Variants in SFMBT1 observed in about 807,000 individuals in gnomAD.
SFMBT1 encodes the protein scm-like with four MBT domains protein 1.
A neutral mutation model predicts 108.7 loss-of-function variants in SFMBT1; 32 were observed. The observed-to-expected ratio is 0.29, with a 90% CI of 0.22 to 0.40. SFMBT1 has a LOEUF of 0.40. Among genes scored for constraint, SFMBT1 ranks in the 10% least tolerant of loss-of-function variants. SFMBT1 has a pLI of 1.00. For missense variants in SFMBT1, 816 were observed against 1,059.6 expected, an observed-to-expected ratio of 0.77 and a Z score of 3.19; for synonymous variants, 348 against 369.5, an observed-to-expected ratio of 0.94 and a Z score of 0.67.
chr3:52,955,465 A>T lies in SFMBT1; in HGVS notation c.29-1054T>A, dbSNP rs138452265. 3.4e-4 allele frequency among the ~76,000 whole-genome samples: 52 copies of T among 152,004 alleles called. No homozygotes were observed. The East Asian group carries it at 8.1e-3, about 24-fold the overall frequency. On this transcript the variant is annotated intron_variant, in intron 2 of 20. Transcript: ENST00000394752. ...ATAAAATAGAACACTAACTAGACTA[A>T]TAAAGAAGAAAAAAGAGAAAAATCA...
At chr3:53,020,779 G>T (rs376827305) in intron 1 of SFMBT1, among the ~76,000 whole-genome samples, 1 of 152,054 alleles carries the variant, frequency 6.6e-6, no homozygotes, top group African/African-American at 2.4e-5. Flanking sequence ...AGTAGAGGCC[G>T]GGTACGGTGG....
chr3:52,906,405 C>T (rs952774268), intron 19 of SFMBT1, among the ~76,000 whole-genome samples, 164 bp from the exon 20 acceptor site: 1 of 152,184 alleles, frequency 6.6e-6, no homozygotes, highest in African/African-American at 2.4e-5. Flanking sequence ...ATCAGGTACT[C>T]AGGAAATGTC....
intron 4 of SFMBT1, among the ~76,000 whole-genome samples, chr3:52,935,801 G>C (rs1269890181): frequency 6.6e-6 from 1 of 152,092 alleles, no homozygotes; most frequent in Non-Finnish European, 1.5e-5. Flanking sequence ...ATGTCTCCTT[G>C]ATTTCTTTTC....
intron 1 of SFMBT1, among the ~76,000 whole-genome samples, chr3:53,007,290 T>C (rs1267045005): frequency 1.3e-5 from 2 of 152,090 alleles, no homozygotes; most frequent in Non-Finnish European, 2.9e-5. Context: ...AGGAAAAATA[T>C]ACAAAAAAGG....
intron 4 of SFMBT1, among the ~76,000 whole-genome samples, chr3:52,937,867 C>T (rs1703063706): frequency 6.6e-6 from 1 of 152,184 alleles, no homozygotes; most frequent in Admixed American, 6.5e-5. Flanking sequence ...AGGAGTGAGC[C>T]ACTGCGCCTG....
At chr3:53,039,798 C>A (rs1011194532) in intron 1 of SFMBT1, among the ~76,000 whole-genome samples, 7 of 152,132 alleles carry the variant, frequency 4.6e-5, no homozygotes, top group Non-Finnish European at 1.0e-4. Context: ...CCACACCTGG[C>A]TAATTTTGGT....
In SFMBT1 at chr3:52,964,679, G is replaced by A. The variant is rs547228253; in HGVS notation, c.28+4422C>T. 4.8e-3 allele frequency among the ~76,000 whole-genome samples: 728 copies of A among 152,160 alleles called. 12 individuals carry two copies. The highest frequency in any genetic ancestry group is 0.017 in the African/African-American group (697 of 41,508). On this transcript the variant is annotated intron_variant, in intron 2 of 20. Transcript: ENST00000394752. ...AAAAAAAGCTCCTCAGAGAAACAGCGGATTGCAAGTTTGGGGGGCAGGATA... is the reference window on the plus strand; with the variant it reads ...AAAAAAAGCTCCTCAGAGAAACAGCAGATTGCAAGTTTGGGGGGCAGGATA...
At chr3:53,040,648 A>G (rs952194641) in intron 1 of SFMBT1, among the ~76,000 whole-genome samples, 25 of 152,126 alleles carry the variant, frequency 1.6e-4, no homozygotes, top group African/African-American at 5.8e-4. Flanking sequence ...AAAAGACCCA[A>G]TGCACACAGT....
At chr3:52,953,020 A>T (rs1703648087) in intron 3 of SFMBT1, among the ~76,000 whole-genome samples, 1 of 152,244 alleles carries the variant, frequency 6.6e-6, no homozygotes, top group Non-Finnish European at 1.5e-5. Flanking sequence ...CAGTCTCCAT[A>T]ACTGTGAGAA....
intron 1 of SFMBT1, among the ~76,000 whole-genome samples, chr3:53,042,353 G>GT (rs1700084537): frequency 6.6e-6 from 1 of 152,134 alleles, no homozygotes; most frequent in African/African-American, 2.4e-5. Flanking sequence ...TGGTTGGTTT[G>GT]TTTTTTGAGA....
At chr3:52,948,458 T>C (rs1356043042) in intron 3 of SFMBT1, among the ~76,000 whole-genome samples, 1 of 152,100 alleles carries the variant, frequency 6.6e-6, no homozygotes, top group Non-Finnish European at 1.5e-5. Context: ...CCTAAAATTT[T>C]ATATATATGT....
intron 1 of SFMBT1, among the ~76,000 whole-genome samples, chr3:52,991,964 C>G (rs574744470): frequency 6.6e-6 from 1 of 152,184 alleles, no homozygotes; most frequent in Non-Finnish European, 1.5e-5. Context: ...CATCCATCCC[C>G]GAGGAGGAGA....
At chr3:53,034,652 G>C (rs1043849917) in intron 1 of SFMBT1, among the ~76,000 whole-genome samples, 1 of 151,698 alleles carries the variant, frequency 6.6e-6, no homozygotes, top group Non-Finnish European at 1.5e-5. Flanking sequence ...AAGAATAATT[G>C]TGGGCCAGGC....
intron 4 of SFMBT1, among the ~76,000 whole-genome samples, chr3:52,938,528 C>A (rs565148962): frequency 6.6e-6 from 1 of 152,054 alleles, no homozygotes; most frequent in African/African-American, 2.4e-5. Context: ...ATAAACAATA[C>A]TGAAGTTAGC....
At chr3:52,974,742 G>A (rs1028086453) in intron 1 of SFMBT1, among the ~76,000 whole-genome samples, 1 of 150,312 alleles carries the variant, frequency 6.7e-6, no homozygotes, top group Non-Finnish European at 1.5e-5. Context: ...TGTAATCCCA[G>A]CACTTTGGGG....
chr3:52,976,398 CAAAT>C (rs1220711210), intron 1 of SFMBT1, among the ~76,000 whole-genome samples: 4 of 151,774 alleles, frequency 2.6e-5, no homozygotes, highest in Admixed American at 1.3e-4. Context: ...AGGATACAAA[CAAAT>C]AGTGTTAAAG....
chr3:53,036,487 T>A (rs903675722), intron 1 of SFMBT1, among the ~76,000 whole-genome samples: 1 of 152,184 alleles, frequency 6.6e-6, no homozygotes, highest in African/African-American at 2.4e-5. Context: ...ACACCATCGC[T>A]GAGGAGCAAT....
At chr3:52,918,892 A>T (rs540737642) in intron 12 of SFMBT1, among the ~76,000 whole-genome samples, 1 of 151,922 alleles carries the variant, frequency 6.6e-6, no homozygotes, top group East Asian at 1.9e-4. Context: ...ATGGAAGACA[A>T]TTTTTCCATG....
chr3:52,994,210 TCA>T (rs1698236862), intron 1 of SFMBT1, among the ~76,000 whole-genome samples: 1 of 150,488 alleles, frequency 6.6e-6, no homozygotes, highest in African/African-American at 2.4e-5. Context: ...ACTAAAGAGA[TCA>T]CACACAACTG....
Sources: gnomAD v4.1 joint callset for allele counts (sites outside exome capture counted in the v4.1 genomes callset) on GRCh38, gnomAD v4.1.1 for gene constraint, MANE v1.5 for transcripts, NCBI Gene and HGNC (gene_info 2026-07-23, HGNC 2026-07-21) for gene names.